PLEKHG1: variants seen among roughly 807,000 people sequenced by gnomAD.
PLEKHG1 encodes the protein pleckstrin homology domain-containing family G member 1.
A neutral mutation model predicts 100.8 loss-of-function variants in PLEKHG1; 44 were observed. The observed-to-expected ratio is 0.44, with a 90% CI of 0.34 to 0.56. The LOEUF (loss-of-function observed/expected upper bound fraction) is 0.56, where lower values mean the gene tolerates loss of function less well. Among genes scored for constraint, PLEKHG1 ranks in the 20% least tolerant of loss-of-function variants. The probability of loss-of-function intolerance (pLI) is 0.01; values close to 1 mark genes in which losing one functional copy is unlikely to be tolerated. For synonymous variants in PLEKHG1, 640 were observed against 662.5 expected (o/e 0.97, Z 0.52); for missense variants, 1,545 against 1,720.9 (o/e 0.90, Z 1.81).
At chr6:150,768,680 G>A in exon 3 of PLEKHG1, 1 of 1,613,066 alleles carries the variant, frequency 6.2e-7, no homozygotes, top group Non-Finnish European at 8.5e-7. Context: ...ACTTCCCCTG[G>A]GGACCGAAGA....
chr6:150,641,649 G>A (rs1389463176), intron 2 of PLEKHG1, among the ~76,000 whole-genome samples: 3 of 152,084 alleles, frequency 2.0e-5, no homozygotes, highest in Non-Finnish European at 4.4e-5. Flanking sequence ...CTGTGGTGCT[G>A]TGGAACGTGT....
intron 1 of PLEKHG1, among the ~76,000 whole-genome samples, chr6:150,608,693 T>C (rs1776701635): frequency 1.3e-5 from 2 of 152,192 alleles, no homozygotes; most frequent in Non-Finnish European, 2.9e-5. Context: ...ATTATAGTAC[T>C]AGTTTAAGTT....
At position 150,831,781 on chromosome 6, in the gene PLEKHG1, G is replaced by T; in HGVS notation, c.2670G>T (p.Thr890=). 6.2e-7 allele frequency: 1 copy of T among 1,613,436 alleles called. No homozygotes were observed. Among genetic ancestry groups the T allele is most frequent in the South Asian group, 1.1e-5 (1 of 91,062 alleles). ...GGGACGTGGGGCGCTCTGTGTCCAC[G>T]CTGTCCCTGCCTGAGAGCCAGGCTC... Residue 890 remains threonine, a synonymous_variant, in exon 15 of 16, where the codon ACG becomes ACT. Transcript: ENST00000358517. This position sits in a 1 kb window ranked among gnomAD's most constrained non-coding sequence, Gnocchi z 4.1.
chr6:150,819,823 A>T, intron 12 of PLEKHG1, 49 bp downstream of exon 13: 3 of 1,010,402 alleles, frequency 3.0e-6, no homozygotes, highest in Non-Finnish European at 4.8e-6. Context: ...GGGACTGGCA[A>T]TGAAAGTCCC....
intron 1 of PLEKHG1, among the ~76,000 whole-genome samples, chr6:150,614,662 G>T (rs543238737): frequency 6.6e-6 from 1 of 152,058 alleles, no homozygotes; most frequent in Non-Finnish European, 1.5e-5. Context: ...CAGACCCTCC[G>T]TCCACACTCC....
chr6:150,783,367 T>G (rs1303121296), intron 3 of PLEKHG1, among the ~76,000 whole-genome samples: 2 of 151,392 alleles, frequency 1.3e-5, no homozygotes, highest in Non-Finnish European at 1.5e-5. Context: ...CGAGCAGAGA[T>G]TCTTCTTTTT....
intron 3 of PLEKHG1, among the ~76,000 whole-genome samples, chr6:150,676,170 C>T (rs549952589): frequency 2.6e-5 from 4 of 152,228 alleles, no homozygotes; most frequent in South Asian, 2.1e-4. Flanking sequence ...AGAACTAGAA[C>T]GTAATGAAAG....
chr6:150,740,181 CTGAGTTGGCTTT>C (rs2128621759), intron 2 of PLEKHG1, among the ~76,000 whole-genome samples: 1 of 152,360 alleles, frequency 6.6e-6, no homozygotes, highest in Admixed American at 6.5e-5. Context: ...GAAATGGAAT[CTGAGTTGGCTTT>C]TGTCCTGGGG....
At chr6:150,613,842 G>A (rs1045157923) in intron 1 of PLEKHG1, among the ~76,000 whole-genome samples, 20 of 152,150 alleles carry the variant, frequency 1.3e-4, no homozygotes, top group Non-Finnish European at 1.9e-4. Context: ...GCAGACACCC[G>A]AAAACATCAG....
At chr6:150,757,296 C>T (rs1783897334) in intron 2 of PLEKHG1, among the ~76,000 whole-genome samples, 1 of 152,150 alleles carries the variant, frequency 6.6e-6, no homozygotes, top group Non-Finnish European at 1.5e-5. Flanking sequence ...CCACCGCACC[C>T]CACCTGCTGT....
At chr6:150,775,219 CTG>C (rs1784900571) in intron 3 of PLEKHG1, among the ~76,000 whole-genome samples, 1 of 152,168 alleles carries the variant, frequency 6.6e-6, no homozygotes, top group East Asian at 1.9e-4. Flanking sequence ...GCGTGTTTTA[CTG>C]CAAACCAAAA....
chr6:150,840,933 T>G (rs936188936), exon 16 of PLEKHG1: 1 of 1,488,228 alleles, frequency 6.7e-7, no homozygotes, highest in Non-Finnish European at 9.3e-7. Context: ...AACTTCTTAT[T>G]TTGCTCATAA....
At chr6:150,733,444 A>C (rs1282930929) in intron 1 of PLEKHG1, 140 bp from the exon 3 acceptor site, 2 of 657,490 alleles carry the variant, frequency 3.0e-6, no homozygotes, top group Non-Finnish European at 2.5e-6. Context: ...TCACTCCACC[A>C]CAGGTACCTT....
At chr6:150,645,808 C>G (rs1778469407) in intron 2 of PLEKHG1, among the ~76,000 whole-genome samples, 1 of 152,188 alleles carries the variant, frequency 6.6e-6, no homozygotes, top group Non-Finnish European at 1.5e-5. Flanking sequence ...TAAATTGGTA[C>G]AATCCTTGAA....
intron 2 of PLEKHG1, among the ~76,000 whole-genome samples, chr6:150,639,935 G>A (rs566976621): frequency 6.6e-6 from 1 of 152,328 alleles, no homozygotes; most frequent in East Asian, 1.9e-4. Context: ...GGCTAGAAGG[G>A]ACCTCGGAGG....
intron 1 of PLEKHG1, among the ~76,000 whole-genome samples, chr6:150,625,542 G>A (rs1430675818): frequency 1.3e-5 from 2 of 151,984 alleles, no homozygotes; most frequent in African/African-American, 4.8e-5. Flanking sequence ...ACCCAGGCTG[G>A]AGTGCAGTGG....
At chr6:150,733,379 C>T (rs1427200804) in intron 1 of PLEKHG1, among the ~76,000 whole-genome samples, 1 of 152,152 alleles carries the variant, frequency 6.6e-6, no homozygotes, top group African/African-American at 2.4e-5. Context: ...GAGCCCGAGA[C>T]ACCACATTTC....
chr6:150,809,510 C>A (rs368681998), intron 9 of PLEKHG1, 34 bp downstream of exon 10: 3 of 1,565,572 alleles, frequency 1.9e-6, no homozygotes, highest in Non-Finnish European at 2.6e-6. Context: ...CCGCAAGGCC[C>A]CTTTGTGTAA....
intron 1 of PLEKHG1, among the ~76,000 whole-genome samples, chr6:150,631,688 G>A (rs551115146): frequency 6.6e-6 from 1 of 152,252 alleles, no homozygotes; most frequent in South Asian, 2.1e-4. Context: ...TGGATTCGGG[G>A]GTTCCCCTTC....
Sources: gnomAD v4.1 joint callset for allele counts (sites outside exome capture counted in the v4.1 genomes callset) on GRCh38, gnomAD v4.1.1 for gene constraint, Gnocchi (gnomAD v3.1) non-coding constraint, MANE v1.5 for transcripts, NCBI Gene and HGNC (gene_info 2026-07-23, HGNC 2026-07-21) for gene names.